Variants in SHB observed in about 807,000 individuals in gnomAD.
The protein encoded by SHB is SH2 domain-containing adapter protein B.
In SHB, 20 loss-of-function variants were observed where a neutral mutation model predicts 52.3. That is an observed-to-expected ratio of 0.38 (90% CI 0.27 to 0.56). The LOEUF (loss-of-function observed/expected upper bound fraction) is 0.56. Among genes scored for constraint, SHB ranks in the 20% least tolerant of loss-of-function variants. The pLI is 0.71. For missense variants in SHB, 825 were observed against 723.3 expected, an observed-to-expected ratio of 1.14 and a Z score of -1.61; for synonymous variants, 397 against 316.5, an observed-to-expected ratio of 1.25 and a Z score of -2.70.
chr9:38,045,425 A>G (rs1163225623), intron 1 of SHB, among the ~76,000 whole-genome samples: 1 of 149,470 alleles, frequency 6.7e-6, no homozygotes, highest in Non-Finnish European at 1.5e-5. Flanking sequence ...ACATGGTGAG[A>G]CCCCCCCCAC....
At chr9:37,969,825 G>C (rs1209358465) in intron 3 of SHB, among the ~76,000 whole-genome samples, 5 of 152,226 alleles carry the variant, frequency 3.3e-5, no homozygotes, top group African/African-American at 1.2e-4. Context: ...AAGGCTCCTT[G>C]TCCCCTTCCC....
chr9:38,044,286 C>A (rs1821619195), intron 1 of SHB, among the ~76,000 whole-genome samples: 2 of 152,246 alleles, frequency 1.3e-5, no homozygotes, highest in Non-Finnish European at 2.9e-5. Flanking sequence ...TGCCTGTGGG[C>A]CAAAGGCTCA....
intron 3 of SHB, among the ~76,000 whole-genome samples, chr9:37,971,859 G>A (rs1820593707): frequency 6.6e-6 from 1 of 152,214 alleles, no homozygotes; most frequent in South Asian, 2.1e-4. Flanking sequence ...CCTTTGGGCA[G>A]AAGTGGGCAA....
At chr9:37,984,431 G>A (rs1820779005) in intron 2 of SHB, among the ~76,000 whole-genome samples, 1 of 152,242 alleles carries the variant, frequency 6.6e-6, no homozygotes, top group Non-Finnish European at 1.5e-5. Flanking sequence ...GAAACACACA[G>A]GGAAGGTCTC....
intron 2 of SHB, among the ~76,000 whole-genome samples, chr9:37,994,655 G>C (rs1438842099): frequency 6.6e-6 from 1 of 152,156 alleles, no homozygotes; most frequent in African/African-American, 2.4e-5. Flanking sequence ...ATATAAAAGA[G>C]ACCTGTAACC....
At chr9:37,954,970 G>A (rs918543097) in intron 4 of SHB, among the ~76,000 whole-genome samples, 1 of 152,086 alleles carries the variant, frequency 6.6e-6, no homozygotes, top group Non-Finnish European at 1.5e-5. Context: ...GGGACCTTGG[G>A]GGCAGCATGG....
In SHB at chr9:38,049,482, G is replaced by A. The variant is rs111920872; in HGVS notation, c.717+18447C>T. ...AAAAATTGGCTGGGTGCGGTGAGGC[G>A]CGCCTGTAATCCCAGCTACTTGGGA... On this transcript the variant is annotated intron_variant, in intron 1 of 5. Transcript: ENST00000377707. Among the ~76,000 whole-genome samples, 301 of 151,966 alleles carry A rather than the reference G, an allele frequency of 2.0e-3. 3 individuals carry two copies. The highest frequency in any genetic ancestry group is 4.8e-3 in the African/African-American group (200 of 41,486).
At chr9:37,948,542 G>C (rs757171959) in intron 5 of SHB, 93 bp downstream of exon 5, 5 of 1,487,708 alleles carry the variant, frequency 3.4e-6, no homozygotes, top group African/African-American at 2.8e-5. Flanking sequence ...TTTCCCAGGG[G>C]ACACTGGCGG....
intron 2 of SHB, among the ~76,000 whole-genome samples, chr9:38,005,342 G>C (rs1821065119): frequency 6.6e-6 from 1 of 152,214 alleles, no homozygotes; most frequent in South Asian, 2.1e-4. Context: ...TTTTGGAAAA[G>C]GACCACAGCC....
chr9:38,066,410 G>A (rs1477788768), intron 1 of SHB, among the ~76,000 whole-genome samples: 5 of 152,154 alleles, frequency 3.3e-5, no homozygotes, highest in Non-Finnish European at 5.9e-5. Flanking sequence ...CCAAGCTTCA[G>A]CCATGCATAA....
At chr9:37,994,642 G>C (rs1360274364) in intron 2 of SHB, among the ~76,000 whole-genome samples, 1 of 152,094 alleles carries the variant, frequency 6.6e-6, no homozygotes, top group Non-Finnish European at 1.5e-5. Flanking sequence ...CCAAACAAAA[G>C]GTATATAAAA....
Position 38,067,977 on chromosome 9 carries a change from CTTG to C in SHB, c.666_668del (p.Asn222del), listed in dbSNP as rs1821993037. ...TCTCCTCCGCGGCTGAGGCGGCGCA[CTTG>C]TTGAGCAGTTTCTTGCCTCCGCAGG... is the stretch of plus-strand genomic sequence containing the variant. On this transcript the variant is annotated inframe_deletion, in exon 1 of 6. Transcript: ENST00000377707. The C allele has an allele frequency of 6.4e-7, 1 of 1,552,972 alleles. No homozygotes were observed. Among genetic ancestry groups the C allele is most frequent in the Admixed American group, 1.8e-5 (1 of 54,322 alleles).
At chr9:37,922,481 A>G (rs1279182320) in intron 5 of SHB, among the ~76,000 whole-genome samples, 1 of 152,194 alleles carries the variant, frequency 6.6e-6, no homozygotes, top group Non-Finnish European at 1.5e-5. Flanking sequence ...TGCCAGGCTG[A>G]AGAGAGTCTA....
intron 3 of SHB, among the ~76,000 whole-genome samples, chr9:37,957,320 C>T (rs1481420996): frequency 1.3e-5 from 2 of 152,240 alleles, no homozygotes; most frequent in Non-Finnish European, 2.9e-5. Context: ...CCCATGCTCA[C>T]AGAAGGTCCT....
Position 37,970,918 on chromosome 9 carries a change from C to T in SHB, c.1054+3704G>A, listed in dbSNP as rs377447686. ...ATTTGAAAGCACTGACCCCATTCCC[C>T]GCCCAAGTTTCCCCATCCAGGCCAA... On this transcript the variant is annotated intron_variant, in intron 3 of 5. Coordinates refer to ENST00000377707, the MANE Select transcript of SHB (RefSeq NM_003028.3). Among the ~76,000 whole-genome samples, 16 of 152,198 alleles carry T rather than the reference C, an allele frequency of 1.1e-4. No homozygotes were observed. In the East Asian group the frequency reaches 2.9e-3, roughly 28 times the overall value.
At chr9:37,938,626 T>A (rs1295269222) in intron 5 of SHB, among the ~76,000 whole-genome samples, 1 of 152,140 alleles carries the variant, frequency 6.6e-6, no homozygotes, top group African/African-American at 2.4e-5. Context: ...GGCAGATTTA[T>A]GTGGGCTGAT....
At chr9:37,935,350 C>T (rs373009484) in intron 5 of SHB, among the ~76,000 whole-genome samples, 5 of 152,294 alleles carry the variant, frequency 3.3e-5, no homozygotes, top group Non-Finnish European at 7.4e-5. Context: ...TTTCTCCCTG[C>T]GAGGTTGTGT....
intron 2 of SHB, chr9:38,015,241 G>A: frequency 3.4e-6 from 2 of 595,934 alleles, no homozygotes; most frequent in Non-Finnish European, 6.0e-6. Flanking sequence ...CACAACAGGG[G>A]TTTCCCTTTT....
chr9:37,926,129 G>A (rs1410824275), intron 5 of SHB, among the ~76,000 whole-genome samples: 1 of 152,134 alleles, frequency 6.6e-6, no homozygotes, highest in Non-Finnish European at 1.5e-5. Context: ...AGCATGGAGG[G>A]TGACCATGGC....
Sources: gnomAD v4.1 joint callset for allele counts (sites outside exome capture counted in the v4.1 genomes callset) on GRCh38, gnomAD v4.1.1 for gene constraint, MANE v1.5 for transcripts, NCBI Gene and HGNC (gene_info 2026-07-23, HGNC 2026-07-21) for gene names.